Variants in MYB observed in about 807,000 individuals in gnomAD.
The protein encoded by MYB is transcriptional activator Myb.
In MYB, 28 loss-of-function variants were observed where a neutral mutation model predicts 92.9. That is an observed-to-expected ratio of 0.30 (90% CI 0.22 to 0.41). The LOEUF (loss-of-function observed/expected upper bound fraction) is 0.41, where lower values mean the gene tolerates loss of function less well. Ranked by LOEUF, MYB falls within the 10% of genes least tolerant of loss-of-function variation. The pLI is 1.00. For synonymous variants in MYB, 295 were observed against 329.1 expected (o/e 0.90, Z 1.12); for missense variants, 679 against 929.3 (o/e 0.73, Z 3.50).
chr6:135,196,554 G>A lies in MYB; in HGVS notation c.1204-407G>A, dbSNP rs1325926582. ...ATTACTGGTCCCATTGCTTCACTGA[G>A]ATGAATCATCTTTCGTGAAACAAAT... On this transcript the variant is annotated intron_variant, in intron 9 of 15. Coordinates refer to ENST00000341911, the MANE Select transcript of MYB (RefSeq NM_001130173.2). 5.9e-5 allele frequency among the ~76,000 whole-genome samples: 9 copies of A among 152,298 alleles called. No individual in the cohort carries two copies. In the East Asian group the frequency reaches 1.3e-3, roughly 23 times the overall value.
intron 14 of MYB, chr6:135,202,580 C>T: frequency 6.0e-6 from 1 of 167,970 alleles, no homozygotes. Flanking sequence ...GTTGGTCAGG[C>T]TGGTCTTGAA....
intron 8 of MYB, chr6:135,195,166 T>C (rs1031442194): frequency 7.5e-6 from 8 of 1,067,482 alleles, no homozygotes; most frequent in Non-Finnish European, 8.5e-6. Flanking sequence ...TTTTTAACTT[T>C]AGTTAATGTT....
At chr6:135,203,681 T>A in intron 15 of MYB, 2 of 1,422,410 alleles carry the variant, frequency 1.4e-6, no homozygotes, top group Non-Finnish European at 1.9e-6. Flanking sequence ...TTACTTTATG[T>A]TCCAAATTTT....
chr6:135,205,899 G>T (rs114071504), intron 15 of MYB, among the ~76,000 whole-genome samples: 2 of 152,046 alleles, frequency 1.3e-5, no homozygotes, highest in Admixed American at 1.3e-4. Flanking sequence ...GTGAGACTCA[G>T]TCTCTATTAA....
intron 15 of MYB, chr6:135,203,680 G>A (rs1778459599): frequency 7.0e-7 from 1 of 1,422,558 alleles, no homozygotes; most frequent in Non-Finnish European, 9.4e-7. Flanking sequence ...TTTACTTTAT[G>A]TTCCAAATTT....
rs763654169 is a variant in MYB, at chr6:135,193,900, AGCT to A, written c.828_830del (p.Ala279del). On this transcript the variant is annotated inframe_deletion, in exon 7 of 16. Transcript: ENST00000341911. ...TAAATATAGTCAATGTCCCTCAGCC[AGCT>A]GCCGCAGCCATTCAGGTAAGATCAT... 1 of 1,609,922 alleles carries A rather than the reference AGCT, an allele frequency of 6.2e-7. No individual in the cohort carries two copies. Among genetic ancestry groups the A allele is most frequent in the Non-Finnish European group, 8.5e-7 (1 of 1,176,218 alleles).
intron 15 of MYB, among the ~76,000 whole-genome samples, chr6:135,217,467 A>AGTGC (rs1780614652): frequency 6.6e-6 from 1 of 152,222 alleles, no homozygotes; most frequent in Admixed American, 6.5e-5. Context: ...GATCAATTCC[A>AGTGC]GTGCGTGCAT....
chr6:135,191,421 A>G (rs748353823), intron 5 of MYB, among the ~76,000 whole-genome samples: 5 of 152,220 alleles, frequency 3.3e-5, no homozygotes, highest in Non-Finnish European at 7.3e-5. Flanking sequence ...ATAATCCAGG[A>G]GAAAGTTTAT....
At chr6:135,199,729 TG>T (rs1249400329) in intron 11 of MYB, 4 of 275,228 alleles carry the variant, frequency 1.5e-5, no homozygotes, top group Non-Finnish European at 2.5e-5. Flanking sequence ...TTTTGTAGTA[TG>T]GGCTCTGTTT....
chr6:135,193,537 TTATAA>T (rs999501637), intron 6 of MYB, among the ~76,000 whole-genome samples: 9 of 152,144 alleles, frequency 5.9e-5, no homozygotes, highest in African/African-American at 9.7e-5. Context: ...TTAATGTATT[TTATAA>T]TATATTTTTT....
Position 135,195,764 on chromosome 6 carries a change from G to A in MYB, c.965G>A (p.Cys322Tyr), listed in dbSNP as rs760807701. Residue 322 changes from cysteine to tyrosine, a missense_variant, in exon 9 of 16, where the codon TGC becomes TAC. Around this residue, in one of 8 missense-constraint regions of MYB, gnomAD observed 56 missense variants for 55.8 expected, o/e 1.00. Coordinates refer to ENST00000341911, the MANE Select transcript of MYB (RefSeq NM_001130173.2). ...CTTCCTTAGACACAGAACCACACAT[G>A]CAGCTACCCCGGGTGGCACAGCACC... ...QQVLPTQNHT[C>Y]SYPGWHSTTI... 50 of 1,613,736 alleles carry A rather than the reference G, an allele frequency of 3.1e-5. No homozygotes were observed. The highest frequency in any genetic ancestry group is 2.1e-5 in the Non-Finnish European group (25 of 1,179,964).
At chr6:135,215,875 T>C (rs1028335751) in intron 15 of MYB, among the ~76,000 whole-genome samples, 3 of 152,314 alleles carry the variant, frequency 2.0e-5, no homozygotes, top group East Asian at 1.9e-4. Flanking sequence ...CGGCCTGTTA[T>C]TATTCCTCCT....
chr6:135,208,546 G>GTT lies in MYB; in HGVS notation c.2169+5238_2169+5239dup, dbSNP rs567088347. Among the ~76,000 whole-genome samples, 708 of 134,598 alleles carry GTT rather than the reference G, an allele frequency of 5.3e-3. 7 individuals carry two copies. Among genetic ancestry groups the GTT allele is most frequent in the African/African-American group, 0.014 (493 of 36,028 alleles). The allele number at this position is 134,598 out of a possible 152,430, so 88.3% of individuals were successfully genotyped here. A position where few individuals can be genotyped will look rare whatever the true frequency, so the allele number is the denominator to read the frequency against. On this transcript the variant is annotated intron_variant, in intron 15 of 15. Coordinates refer to ENST00000341911, the MANE Select transcript of MYB (RefSeq NM_001130173.2). Reference sequence around the variant, plus strand: ...AGGCACATGCCACCATGCCCAGCTAGTTTTTTTTTTTTTTTTTAGAGATGG... The same window carrying GTT: ...AGGCACATGCCACCATGCCCAGCTAGTTTTTTTTTTTTTTTTTTTAGAGATGG...
chr6:135,206,550 G>A (rs187014884), intron 15 of MYB, among the ~76,000 whole-genome samples: 3 of 151,890 alleles, frequency 2.0e-5, no homozygotes, highest in Non-Finnish European at 2.9e-5. Flanking sequence ...ACAAAAAATA[G>A]CCAGGCGTGG....
chr6:135,194,692 GTTA>G, intron 8 of MYB: 3 of 562,910 alleles, frequency 5.3e-6, no homozygotes, highest in Non-Finnish European at 9.2e-6. Context: ...ACTTATGATT[GTTA>G]TCATCAATTT....
chr6:135,186,135 T>A, intron 2 of MYB, 115 bp downstream of exon 2: 2 of 795,308 alleles, frequency 2.5e-6, no homozygotes, highest in Non-Finnish European at 4.1e-6. Context: ...CTTGAGATCT[T>A]ATCCTAGCCC....
At chr6:135,187,756 G>A (rs989990996) in intron 2 of MYB, 78 bp from the exon 3 acceptor site, 10 of 875,178 alleles carry the variant, frequency 1.1e-5, no homozygotes, top group Admixed American at 6.9e-5. Context: ...TTCTAGATTC[G>A]TTCCCTCATT....
At chr6:135,217,298 G>C (rs184613304) in intron 15 of MYB, among the ~76,000 whole-genome samples, 67 of 152,184 alleles carry the variant, frequency 4.4e-4, no homozygotes, top group Middle Eastern at 3.4e-3. Context: ...GAGCCCAGGA[G>C]GCTGAGGCTA....
Position 135,203,128 on chromosome 6 carries a change from A to T in MYB, c.2062-89A>T, listed in dbSNP as rs145967464. 1,101 of 936,374 alleles carry T rather than the reference A, an allele frequency of 1.2e-3. 7 individuals carry two copies. In the African/African-American group the frequency reaches 0.016, roughly 13 times the overall value. The allele number at this position is 936,374 out of a possible 1,614,324, so 58.0% of individuals were successfully genotyped here. ...TTTTTATGCTAATGTGTATCATCTC[A>T]TAGTAATCTACTCTCCACAGTGTTA... On this transcript the variant is annotated intron_variant, in intron 14 of 15. Coordinates refer to ENST00000341911, the MANE Select transcript of MYB (RefSeq NM_001130173.2).
Sources: gnomAD v4.1 joint callset for allele counts (sites outside exome capture counted in the v4.1 genomes callset) on GRCh38, gnomAD v4.1.1 for gene constraint, gnomAD v4.1.1 regional missense constraint, MANE v1.5 for transcripts, NCBI Gene and HGNC (gene_info 2026-07-23, HGNC 2026-07-21) for gene names.